PHF21B: variants seen among roughly 807,000 people sequenced by gnomAD.
The protein encoded by PHF21B is PHD finger protein 4.
In PHF21B, 22 loss-of-function variants were observed where a neutral mutation model predicts 62.2. The observed-to-expected ratio is 0.35, with a 90% confidence interval of 0.25 to 0.51. The LOEUF is 0.51. Among genes scored for constraint, PHF21B ranks in the 20% least tolerant of loss-of-function variants. PHF21B has a pLI of 0.97. For synonymous variants in PHF21B, 341 were observed against 314.7 expected, an observed-to-expected ratio of 1.08 and a Z score of -0.88; for missense variants, 701 against 707.9, an observed-to-expected ratio of 0.99 and a Z score of 0.11.
intron 2 of PHF21B, among the ~76,000 whole-genome samples, chr22:44,928,204 C>A (rs2071670854): frequency 6.6e-6 from 1 of 152,168 alleles, no homozygotes; most frequent in South Asian, 2.1e-4. Flanking sequence ...CTCTTCCCAC[C>A]CCCGCTTCAG....
intron 2 of PHF21B, among the ~76,000 whole-genome samples, chr22:44,980,169 C>T (rs1256055261): frequency 6.6e-6 from 1 of 152,026 alleles, no homozygotes; most frequent in Non-Finnish European, 1.5e-5. Flanking sequence ...TGTGCAACCA[C>T]CACCCCTGCC....
At chr22:44,916,922 C>T (rs906620263) in intron 3 of PHF21B, among the ~76,000 whole-genome samples, 4 of 152,304 alleles carry the variant, frequency 2.6e-5, no homozygotes, top group Middle Eastern at 3.4e-3. Flanking sequence ...GAAGGCAGCG[C>T]TTGGGCGCGA....
At chr22:44,972,371 A>G (rs2072655117) in intron 2 of PHF21B, among the ~76,000 whole-genome samples, 1 of 152,222 alleles carries the variant, frequency 6.6e-6, no homozygotes, top group Non-Finnish European at 1.5e-5. Flanking sequence ...CATTTTCATC[A>G]TTTTGTTAAG....
intron 5 of PHF21B, among the ~76,000 whole-genome samples, chr22:44,912,244 A>G (rs533958496): frequency 6.6e-6 from 1 of 152,242 alleles, no homozygotes; most frequent in Non-Finnish European, 1.5e-5. Flanking sequence ...TGGACTGTGG[A>G]CTTTTGAGGT....
rs747854672 is a variant in PHF21B, at chr22:44,952,631, TTC to T, written c.121-32143_121-32142del. 2.6e-5 allele frequency among the ~76,000 whole-genome samples: 4 copies of T among 152,318 alleles called. No individual in the cohort carries two copies. In the East Asian group the frequency reaches 7.7e-4, roughly 29 times the overall value. ...GCCTCTCATGGAGAATATGATAAAT[TTC>T]TGTTTTTCTATTACTTTATCCTTTA... is the stretch of plus-strand genomic sequence containing the variant. On this transcript the variant is annotated intron_variant, in intron 2 of 12. Coordinates refer to ENST00000313237, the MANE Select transcript of PHF21B (RefSeq NM_138415.5).
chr22:45,009,938 G>GGC lies in PHF21B; in HGVS notation c.-391_-390dup, dbSNP rs2073394386. 6.8e-6 allele frequency: 1 copy of GGC among 146,484 alleles called. No individual in the cohort carries two copies. Among genetic ancestry groups the GGC allele is most frequent in the South Asian group, 1.8e-4 (1 of 5,598 alleles). The allele number at this position is 146,484 out of a possible 1,614,324, so 9.1% of individuals were successfully genotyped here. On this transcript the variant is annotated 5_prime_UTR_variant, in exon 1 of 13. Coordinates refer to ENST00000313237, the MANE Select transcript of PHF21B (RefSeq NM_138415.5). This position sits in a 1 kb window ranked among gnomAD's most constrained non-coding sequence, Gnocchi z 5.9. The stretch of plus-strand genomic sequence containing the variant: ...CGCGGGCAGGGACTATATTTCCTCC[G>GGC]GCGCGCGCGCCTGGATCTCGTTGGG...
chr22:44,922,083 G>C (rs796685518), intron 2 of PHF21B, among the ~76,000 whole-genome samples: 12 of 152,310 alleles, frequency 7.9e-5, no homozygotes, highest in African/African-American at 2.6e-4. Flanking sequence ...GTTCTCTCTT[G>C]ATCTCAGATG....
intron 2 of PHF21B, among the ~76,000 whole-genome samples, chr22:44,929,938 C>A (rs1756304087): frequency 6.6e-6 from 1 of 152,170 alleles, no homozygotes; most frequent in Admixed American, 6.5e-5. Flanking sequence ...CCAGGAAGGA[C>A]CCCTGCAGCA....
intron 11 of PHF21B, 103 bp from the exon 12 acceptor site, chr22:44,885,632 A>G: frequency 8.2e-7 from 1 of 1,213,692 alleles, no homozygotes; most frequent in Non-Finnish European, 1.1e-6. Context: ...GGCCTAGGAC[A>G]TCCCCCTGAA....
At chr22:44,974,106 G>A (rs2072691003) in intron 2 of PHF21B, among the ~76,000 whole-genome samples, 1 of 152,116 alleles carries the variant, frequency 6.6e-6, no homozygotes, top group South Asian at 2.1e-4. Context: ...GAGTGTTTGT[G>A]TGTGATGCTG....
intron 12 of PHF21B, 143 bp downstream of exon 12, chr22:44,885,283 T>C (rs1313148569): frequency 2.8e-6 from 2 of 708,116 alleles, no homozygotes; most frequent in African/African-American, 1.8e-5. Context: ...CGCCTGCCTG[T>C]CCACCAGGCC....
At chr22:44,886,081 C>T (rs531889354) in intron 10 of PHF21B, 143 bp from the exon 11 acceptor site, 1 of 680,536 alleles carries the variant, frequency 1.5e-6, no homozygotes, top group East Asian at 2.7e-5. Context: ...TGGGGCCGCA[C>T]ATGCCTCATG....
At position 44,887,986 on chromosome 22, in the gene PHF21B, C is replaced by A. The variant is rs769697705; in HGVS notation, c.1174G>T (p.Val392Leu). ...ACCTTCTGCTGGCACCTGGGGCACA[C>A]CCACACGCCCTTGGGCGCCGTCTTG... ...PLKTAPKGVWVCPRCQQKALK... is the reference protein window; with the variant it reads ...PLKTAPKGVWLCPRCQQKALK... Residue 392 changes from valine (V) to leucine (L), a missense_variant, in exon 10 of 13, where the codon GTG becomes TTG. Physicochemically the swap from Val to Leu is conservative, Grantham distance 32. Coordinates refer to ENST00000313237, the MANE Select transcript of PHF21B (RefSeq NM_138415.5). The A allele has an allele frequency of 1.3e-5, 20 of 1,559,992 alleles. No individual in the cohort carries two copies. The highest frequency in any genetic ancestry group is 1.7e-5 in the Non-Finnish European group (20 of 1,153,522).
intron 2 of PHF21B, among the ~76,000 whole-genome samples, chr22:44,939,746 C>T (rs2071919891): frequency 6.6e-6 from 1 of 152,090 alleles, no homozygotes; most frequent in African/African-American, 2.4e-5. Flanking sequence ...GCAGCAAAGG[C>T]CACCTGCAGG....
chr22:44,968,021 T>C (rs2147439677), intron 2 of PHF21B, among the ~76,000 whole-genome samples: 1 of 152,282 alleles, frequency 6.6e-6, no homozygotes, highest in African/African-American at 2.4e-5. Flanking sequence ...CTTGTCGACC[T>C]GGCTTGTCAT....
At chr22:44,956,850 T>A (rs2072308617) in intron 2 of PHF21B, among the ~76,000 whole-genome samples, 1 of 152,106 alleles carries the variant, frequency 6.6e-6, no homozygotes, top group Non-Finnish European at 1.5e-5. Context: ...CCGACCTCCC[T>A]CCCTTCTCAT....
intron 2 of PHF21B, among the ~76,000 whole-genome samples, chr22:44,942,971 C>T (rs541088528): frequency 1.4e-5 from 2 of 146,038 alleles, no homozygotes; most frequent in African/African-American, 5.1e-5. Flanking sequence ...CAGGGACCCA[C>T]AGGCGGACCC....
chr22:44,984,257 T>A (rs879229691), intron 2 of PHF21B, among the ~76,000 whole-genome samples: 2 of 54,228 alleles, frequency 3.7e-5, no homozygotes, highest in East Asian at 1.2e-3. Flanking sequence ...ACCACCATCA[T>A]CATCACCATC....
chr22:44,895,009 G>A (rs551346736), intron 6 of PHF21B, among the ~76,000 whole-genome samples: 1 of 152,356 alleles, frequency 6.6e-6, no homozygotes, highest in East Asian at 1.9e-4. Context: ...GGGCACCGCG[G>A]GGGTTCACTT....
Sources: gnomAD v4.1 joint callset for allele counts (sites outside exome capture counted in the v4.1 genomes callset) on GRCh38, gnomAD v4.1.1 for gene constraint, Gnocchi (gnomAD v3.1) non-coding constraint, MANE v1.5 for transcripts, NCBI Gene and HGNC (gene_info 2026-07-23, HGNC 2026-07-21) for gene names.